POU2F1: variants seen among roughly 807,000 people sequenced by gnomAD.
The protein encoded by POU2F1 is POU class 2 homeobox 1.
In POU2F1, 16 loss-of-function variants were observed where a neutral mutation model predicts 84.9. The observed-to-expected ratio is 0.19, with a 90% confidence interval of 0.13 to 0.29. POU2F1 has a LOEUF of 0.29. Ranked by LOEUF, POU2F1 falls within the 10% of genes least tolerant of loss-of-function variation. POU2F1 has a pLI of 1.00. For missense variants in POU2F1, 738 were observed against 942.6 expected, an observed-to-expected ratio of 0.78 and a Z score of 2.84; for synonymous variants, 368 against 368.3, an observed-to-expected ratio of 1.00 and a Z score of 0.01.
At chr1:167,318,556 C>T (rs1170369937) in intron 1 of POU2F1, among the ~76,000 whole-genome samples, 3 of 152,094 alleles carry the variant, frequency 2.0e-5, no homozygotes, top group Non-Finnish European at 2.9e-5. Flanking sequence ...TTTTTGAGGG[C>T]CGTATGCCTC....
intron 1 of POU2F1, among the ~76,000 whole-genome samples, chr1:167,238,631 A>T (rs1649673821): frequency 6.6e-6 from 1 of 152,238 alleles, no homozygotes. Flanking sequence ...TTGAGTGAGG[A>T]CTATTCAAAA....
chr1:167,278,653 TTGTC>T (rs1214968139), intron 1 of POU2F1, among the ~76,000 whole-genome samples: 2 of 152,218 alleles, frequency 1.3e-5, no homozygotes, highest in Non-Finnish European at 1.5e-5. Flanking sequence ...TCTGTTCAGA[TTGTC>T]TGGGAACTTT....
intron 1 of POU2F1, among the ~76,000 whole-genome samples, chr1:167,289,644 G>A (rs1018793893): frequency 6.6e-6 from 1 of 152,180 alleles, no homozygotes; most frequent in Non-Finnish European, 1.5e-5. Flanking sequence ...AACATATTTT[G>A]TGGAAATTAA....
At chr1:167,390,440 G>A (rs114980625) in intron 9 of POU2F1, among the ~76,000 whole-genome samples, 2,575 of 152,182 alleles carry the variant, frequency 0.017, 72 homozygotes, top group African/African-American at 0.058. Flanking sequence ...TAAAGATTAC[G>A]GGGTGTATTA....
At chr1:167,316,222 A>G (rs1170485616) in intron 1 of POU2F1, among the ~76,000 whole-genome samples, 1 of 152,226 alleles carries the variant, frequency 6.6e-6, no homozygotes, top group East Asian at 1.9e-4. Context: ...TATCAAGAGC[A>G]ATTGTTTGGA....
chr1:167,305,191 A>AT lies in POU2F1; in HGVS notation c.62-27264dup, dbSNP rs112884443. The stretch of plus-strand genomic sequence containing the variant: ...GGTGGGGACACAGAGAATGTAGGCA[A>AT]TTTTTTTTTTTTTTTAAACAGGATC... On this transcript the variant is annotated intron_variant, in intron 1 of 15. Transcript: ENST00000367866. Among the ~76,000 whole-genome samples, 1,283 of 142,448 alleles carry AT rather than the reference A, an allele frequency of 9.0e-3. 5 individuals are homozygous for AT. Among genetic ancestry groups the AT allele is most frequent in the Middle Eastern group, 0.018 (5 of 276 alleles). 93.5% of individuals were successfully genotyped at this position (142,448 alleles called of 152,430 possible).
At chr1:167,387,621 A>C (rs1330753593) in intron 8 of POU2F1, among the ~76,000 whole-genome samples, 1 of 152,192 alleles carries the variant, frequency 6.6e-6, no homozygotes, top group African/African-American at 2.4e-5. Flanking sequence ...TAACTCATCT[A>C]AATTTGAAGA....
chr1:167,280,603 T>C (rs947575773), intron 1 of POU2F1, among the ~76,000 whole-genome samples: 2 of 152,192 alleles, frequency 1.3e-5, no homozygotes, highest in Admixed American at 6.5e-5. Context: ...TGTCAAGATG[T>C]GTTACAGATC....
chr1:167,358,257 ATCTACCTTAG>A (rs1659106461), intron 2 of POU2F1, among the ~76,000 whole-genome samples: 9 of 149,454 alleles, frequency 6.0e-5, no homozygotes, highest in African/African-American at 2.0e-4. Flanking sequence ...GACTCCCTAG[ATCTACCTTAG>A]CCATAATATT....
At chr1:167,334,151 CTTTTTTTTTTTTTTTTT>C (rs57242474) in intron 2 of POU2F1, among the ~76,000 whole-genome samples, 1 of 66,794 alleles carries the variant, frequency 1.5e-5, no homozygotes, top group African/African-American at 7.0e-5. Flanking sequence ...AACTACAACA[CTTTTTTTTTTTTTTTTT>C]TTTTTTTTTG....
intron 1 of POU2F1, among the ~76,000 whole-genome samples, chr1:167,235,702 TC>T (rs1649399326): frequency 6.6e-6 from 1 of 152,180 alleles, no homozygotes; most frequent in Non-Finnish European, 1.5e-5. Flanking sequence ...TTGCTGTTTT[TC>T]CCCCATTGCT....
At chr1:167,301,126 A>G (rs1571257442) in intron 1 of POU2F1, among the ~76,000 whole-genome samples, 1 of 152,208 alleles carries the variant, frequency 6.6e-6, no homozygotes, top group African/African-American at 2.4e-5. Context: ...AAATTTATTT[A>G]AGGAAAAGAT....
At chr1:167,272,805 T>C (rs1652467742) in intron 1 of POU2F1, among the ~76,000 whole-genome samples, 1 of 152,166 alleles carries the variant, frequency 6.6e-6, no homozygotes, top group Non-Finnish European at 1.5e-5. Flanking sequence ...CATTCTGCCC[T>C]GGCCCCTCCC....
At chr1:167,371,380 C>T (rs75895426) in intron 4 of POU2F1, among the ~76,000 whole-genome samples, 2,375 of 152,232 alleles carry the variant, frequency 0.016, 71 homozygotes, top group African/African-American at 0.055. Flanking sequence ...TTTTAATTAC[C>T]GTAAAATTTT....
chr1:167,322,474 G>A (rs1442238868), intron 1 of POU2F1, among the ~76,000 whole-genome samples: 2 of 152,224 alleles, frequency 1.3e-5, no homozygotes, highest in African/African-American at 4.8e-5. Flanking sequence ...TTTTTGTGGG[G>A]GTTCCCCAGG....
intron 1 of POU2F1, among the ~76,000 whole-genome samples, chr1:167,230,602 G>T (rs974002467): frequency 5.9e-5 from 9 of 152,222 alleles, no homozygotes; most frequent in African/African-American, 2.2e-4. Context: ...TAAGGGACCT[G>T]TCTGTCCATT....
chr1:167,331,142 CCCTTTG>C (rs1557900115), intron 1 of POU2F1, among the ~76,000 whole-genome samples: 1 of 152,010 alleles, frequency 6.6e-6, no homozygotes, highest in East Asian at 1.9e-4. Flanking sequence ...TGAATTTTAA[CCCTTTG>C]AACATTAGAA....
At chr1:167,324,465 A>T (rs540167002) in intron 1 of POU2F1, among the ~76,000 whole-genome samples, 2,561 of 152,262 alleles carry the variant, frequency 0.017, 72 homozygotes, top group African/African-American at 0.058. Flanking sequence ...GCCCAAAAAA[A>T]TTGGTGAATG....
At chr1:167,358,122 C>CTTTTTTTTTTTTTTT (rs763521021) in intron 2 of POU2F1, among the ~76,000 whole-genome samples, 3 of 97,192 alleles carry the variant, frequency 3.1e-5, no homozygotes, top group Non-Finnish European at 6.0e-5. Flanking sequence ...TTTTTCTTTT[C>CTTTTTTTTTTTTTTT]TTTTTTTTTT....
Sources: allele counts gnomAD v4.1 joint callset (sites outside exome capture counted in the v4.1 genomes callset), GRCh38; gene constraint gnomAD v4.1.1; transcripts MANE v1.5; gene names NCBI Gene and HGNC (gene_info 2026-07-23, HGNC 2026-07-21).